Variants in MSL3 observed in about 807,000 individuals in gnomAD.
MSL3 encodes MSL3-like 1.
MSL3 carries 5 observed loss-of-function variants against 37.2 expected under a neutral mutation model. The ratio of observed to expected loss-of-function variants is 0.13; its 90% CI spans 0.07 to 0.28. The LOEUF (loss-of-function observed/expected upper bound fraction) is 0.28, where lower values mean the gene tolerates loss of function less well. Ranked by LOEUF, MSL3 falls within the 10% of genes least tolerant of loss-of-function variation. The pLI is 1.00. For missense variants in MSL3, 315 were observed against 408.5 expected (o/e 0.77, Z 1.97); for synonymous variants, 149 against 147.6 (o/e 1.01, Z -0.07).
At chrX:11,773,415 T>C (rs1166425042) in intron 12 of MSL3, among the ~76,000 whole-genome samples, 2 of 112,099 alleles carry the variant, frequency 1.8e-5, no homozygotes, top group Non-Finnish European at 3.8e-5. Context: ...CTCTTCCTTG[T>C]ATCCAGGCCC....
intron 10 of MSL3, 56 bp from the exon 11 acceptor site, chrX:11,772,100 G>A: frequency 1.2e-6 from 1 of 822,174 alleles, no homozygotes; most frequent in Non-Finnish European, 1.8e-6. Context: ...ATTGTTAGGT[G>A]GTTGGAAGTG....
intron 9 of MSL3, chrX:11,766,385 C>T: frequency 1.3e-6 from 1 of 754,004 alleles, no homozygotes; most frequent in Non-Finnish European, 1.6e-6. Flanking sequence ...TCAAAAACTG[C>T]TAAAACAGGT....
chrX:11,766,842 C>T lies in MSL3; in HGVS notation c.1171+1113C>T, dbSNP rs764719695. 2.0e-5 allele frequency: 15 copies of T among 752,855 alleles called. 1 individual carries two copies. The African/African-American group carries it at 3.2e-4, about 16-fold the overall frequency. 62.0% of individuals were successfully genotyped at this position (752,855 alleles called of 1,213,427 possible). A position where few individuals can be genotyped will look rare whatever the true frequency, so the allele number is the denominator to read the frequency against. ...TCGCAGGCTGTGAAATCTAAGACAC[C>T]CCTCATAAATATCAAAAACACCTCC... On this transcript the variant is annotated intron_variant, in intron 9 of 12. Transcript: ENST00000312196.
chrX:11,770,573 C>A (rs970696650), intron 10 of MSL3, among the ~76,000 whole-genome samples: 1 of 111,275 alleles, frequency 9.0e-6, no homozygotes. Flanking sequence ...TTCTTACGTA[C>A]GTCTACCACC....
intron 9 of MSL3, chrX:11,767,842 T>A (rs1384379218): frequency 1.3e-6 from 1 of 743,129 alleles, no homozygotes; most frequent in Admixed American, 8.7e-5. Flanking sequence ...GGGCATTTCA[T>A]ATAAATGGAA....
intron 9 of MSL3, chrX:11,766,916 A>G (rs369354664): frequency 2.7e-6 from 2 of 754,690 alleles, no homozygotes; most frequent in Non-Finnish European, 3.1e-6. Context: ...CCCATGCCCC[A>G]GTAGGTGTAT....
intron 10 of MSL3, chrX:11,768,908 A>G (rs1035742147): frequency 1.4e-5 from 5 of 347,127 alleles, no homozygotes; most frequent in South Asian, 4.4e-5. Flanking sequence ...AATAAGTGCA[A>G]TTATTGAAAT....
At chrX:11,762,779 A>G (rs1601767492) in intron 6 of MSL3, 58 bp from the exon 7 acceptor site, 1 of 1,063,081 alleles carries the variant, frequency 9.4e-7, no homozygotes, top group East Asian at 3.1e-5. Flanking sequence ...TGTTTCTTGG[A>G]ATATGTGGTT....
At chrX:11,773,903 A>G (rs1042950825) in intron 12 of MSL3, among the ~76,000 whole-genome samples, 3 of 112,371 alleles carry the variant, frequency 2.7e-5, no homozygotes, top group East Asian at 2.8e-4. Flanking sequence ...TAGCTATCCA[A>G]TGAGTTTTGA....
intron 8 of MSL3, 108 bp downstream of exon 8, chrX:11,764,046 G>C (rs1355040507): frequency 1.4e-6 from 1 of 720,768 alleles, no homozygotes; most frequent in African/African-American, 2.2e-5. Context: ...GTTTGGAGGA[G>C]GGAAGGAAAT....
intron 6 of MSL3, 83 bp downstream of exon 6, chrX:11,762,335 G>A (rs2053141016): frequency 3.5e-6 from 3 of 862,401 alleles, no homozygotes; most frequent in Non-Finnish European, 4.8e-6. Context: ...GTAAGCAATA[G>A]CGAATCTTGG....
Position 11,762,192 on chromosome X carries a change from C to T in MSL3, c.528C>T (p.Ile176=). The change falls in exon 6 of 13, where the codon ATC becomes ATT. Residue 176 remains isoleucine (I), a synonymous_variant. Transcript: ENST00000312196. ...AAGAAAGAACAATAACTATAGAAATCCCTGAAGTTCTGAAGAAGCAGCTGG... is the reference window on the plus strand; with the variant it reads ...AAGAAAGAACAATAACTATAGAAATTCCTGAAGTTCTGAAGAAGCAGCTGG... The part of the protein sequence containing the change: ...EMEERTITIE[I]PEVLKKQLED... 1 of 1,163,621 alleles carries T rather than the reference C, an allele frequency of 8.6e-7. No individual in the cohort carries two copies. The highest frequency in any genetic ancestry group is 2.6e-5 in the Admixed American group (1 of 38,635).
intron 1 of MSL3, 29 bp from the exon 2 acceptor site, chrX:11,759,764 C>T (rs1230537812): frequency 1.7e-6 from 2 of 1,209,840 alleles, no homozygotes; most frequent in Non-Finnish European, 2.2e-6. Context: ...TATGTTCTGC[C>T]ATTTGTGGGA....
At position 11,762,256 on chromosome X, in the gene MSL3, T is replaced by C. The variant is rs1026128013; in HGVS notation, c.588+4T>C. 1.7e-6 allele frequency: 2 copies of C among 1,146,081 alleles called. No individual in the cohort carries two copies. Among genetic ancestry groups the C allele is most frequent in the Non-Finnish European group, 1.2e-6 (1 of 867,794 alleles). 94.4% of individuals were successfully genotyped at this position (1,146,081 alleles called of 1,213,427 possible). A position where few individuals can be genotyped will look rare whatever the true frequency, so the allele number is the denominator to read the frequency against. On this transcript the variant is annotated splice_donor_region_variant and intron_variant, in intron 6 of 12. Transcript: ENST00000312196. ...CTACATTAACAGGAGGAAACGGGTA[T>C]GTAGGGAGAATGTATAAAACATTAA... is the stretch of plus-strand genomic sequence containing the variant.
chrX:11,765,237 G>A (rs1333627457), intron 8 of MSL3, among the ~76,000 whole-genome samples: 1 of 112,045 alleles, frequency 8.9e-6, no homozygotes, highest in Non-Finnish European at 1.9e-5. Flanking sequence ...TCTGTTCCCT[G>A]TCAGGGCAAC....
At chrX:11,767,950 A>G in intron 9 of MSL3, 1 of 751,897 alleles carries the variant, frequency 1.3e-6, no homozygotes, top group South Asian at 6.7e-5. Context: ...AAAAGGTGCT[A>G]CAAAATAAAG....
rs769735411 is a variant in MSL3, at chrX:11,762,096, TTAAA to T, written c.466-31_466-28del. ...CTTGGATATTGACTCTTCTACTGTT[TTAAA>T]TAGTTAAAAATGGAATTTTGATATT... On this transcript the variant is annotated intron_variant, in intron 5 of 12. Transcript: ENST00000312196. 1.1e-5 allele frequency: 12 copies of T among 1,099,742 alleles called. No homozygotes were observed. The African/African-American group carries it at 2.1e-4, about 19-fold the overall frequency. The allele number at this position is 1,099,742 out of a possible 1,213,427, so 90.6% of individuals were successfully genotyped here.
At chrX:11,774,562 C>T (rs903322826) in intron 12 of MSL3, among the ~76,000 whole-genome samples, 1 of 112,206 alleles carries the variant, frequency 8.9e-6, no homozygotes, top group African/African-American at 3.2e-5. Context: ...CTCGTGACCA[C>T]CTGCCTCGGC....
At position 11,763,936 on chromosome X, in the gene MSL3, C is replaced by T; in HGVS notation, c.906C>T (p.Asn302=). ...TTAAGGAAAGTGCCACAAGCACTAA[C>T]AGGTAAGTTATATAGCCTGCACTTT... ...LPIKESATST[N]RSQEELSPSP... The change falls in exon 8 of 13, where the codon AAC becomes AAT. Residue 302 remains asparagine, a splice_region_variant and synonymous_variant. Transcript: ENST00000312196. 8.3e-7 allele frequency: 1 copy of T among 1,204,199 alleles called. No homozygotes were observed. The highest frequency in any genetic ancestry group is 1.1e-6 in the Non-Finnish European group (1 of 890,573).
Sources: gnomAD v4.1 joint callset for allele counts (sites outside exome capture counted in the v4.1 genomes callset) on GRCh38, gnomAD v4.1.1 for gene constraint, MANE v1.5 for transcripts, NCBI Gene and HGNC (gene_info 2026-07-23, HGNC 2026-07-21) for gene names.